Variants in BLK observed in about 807,000 individuals in gnomAD.
The protein encoded by BLK is BLK proto-oncogene, Src family tyrosine kinase, also known as tyrosine-protein kinase Blk.
In BLK, 64 loss-of-function variants were observed where a neutral mutation model predicts 61.8. That is an observed-to-expected ratio of 1.03 (90% CI 0.85 to 1.27). BLK has a LOEUF of 1.27. BLK is among the 50% of genes most tolerant of loss of function. BLK has a pLI of 0.00. For missense variants in BLK, 853 were observed against 660.5 expected, an observed-to-expected ratio of 1.29 and a Z score of -3.19; for synonymous variants, 351 against 272.0, an observed-to-expected ratio of 1.29 and a Z score of -2.86.
At chr8:11,553,842 C>T (rs2255108) in intron 6 of BLK, among the ~76,000 whole-genome samples, 60,903 of 151,964 alleles carry the variant, frequency 0.4, 12,874 homozygotes, top group Non-Finnish European at 0.45. Flanking sequence ...GGCAGGGGAA[C>T]TGACAGGAGA....
chr8:11,540,782 T>C lies in BLK; in HGVS notation c.-1-2442T>C, dbSNP rs117469019. On this transcript the variant is annotated intron_variant, in intron 1 of 12. Transcript: ENST00000259089. ...TATTTGAAAGGGCCCCAGACACAGA[T>C]GGCTTCACAACTGAGTTCTATTTAG... 4.1e-3 allele frequency among the ~76,000 whole-genome samples: 624 copies of C among 151,430 alleles called. 3 individuals carry two copies. The highest frequency in any genetic ancestry group is 0.014 in the Middle Eastern group (4 of 290).
At chr8:11,536,404 T>C (rs938729343) in intron 1 of BLK, among the ~76,000 whole-genome samples, 1 of 152,194 alleles carries the variant, frequency 6.6e-6, no homozygotes, top group Non-Finnish European at 1.5e-5. Context: ...ATTTTATTTA[T>C]TTTTTTGAGA....
At chr8:11,507,563 C>T (rs1321735777) in intron 1 of BLK, among the ~76,000 whole-genome samples, 2 of 152,140 alleles carry the variant, frequency 1.3e-5, no homozygotes, top group East Asian at 1.9e-4. Context: ...CTTAGTGGAC[C>T]CAGTGGAGAT....
At chr8:11,544,572 T>A (rs1408294766) in intron 2 of BLK, among the ~76,000 whole-genome samples, 1 of 152,206 alleles carries the variant, frequency 6.6e-6, no homozygotes, top group Admixed American at 6.5e-5. Context: ...TTAGACTGAT[T>A]GAGTAATTTC....
intron 1 of BLK, among the ~76,000 whole-genome samples, chr8:11,502,722 T>C (rs1268076279): frequency 6.6e-6 from 1 of 152,030 alleles, no homozygotes; most frequent in Admixed American, 6.6e-5. Context: ...GGAGGCCGAG[T>C]GTCTTGAGGC....
At chr8:11,555,943 C>A in intron 8 of BLK, 1 of 290,664 alleles carries the variant, frequency 3.4e-6, no homozygotes, top group Non-Finnish European at 6.5e-6. Context: ...ATTTCCATCG[C>A]TGCTGACACC....
At chr8:11,547,836 G>C (rs1800714054) in intron 3 of BLK, among the ~76,000 whole-genome samples, 196 bp from the exon 4 acceptor site, 1 of 152,150 alleles carries the variant, frequency 6.6e-6, no homozygotes, top group African/African-American at 2.4e-5. Context: ...CCACAACGGA[G>C]GACAGGATGG....
At chr8:11,522,271 G>A (rs1054498228) in intron 1 of BLK, among the ~76,000 whole-genome samples, 2 of 152,126 alleles carry the variant, frequency 1.3e-5, no homozygotes, top group Non-Finnish European at 2.9e-5. Context: ...TAACCCATGA[G>A]CATCTCAAAT....
intron 9 of BLK, among the ~76,000 whole-genome samples, chr8:11,557,167 G>A (rs1240296196): frequency 1.3e-5 from 2 of 152,188 alleles, no homozygotes; most frequent in African/African-American, 4.8e-5. Context: ...ACCAGGCCAG[G>A]CATGCAGGGA....
intron 1 of BLK, among the ~76,000 whole-genome samples, chr8:11,527,523 C>T (rs1250948015): frequency 6.6e-6 from 1 of 151,400 alleles, no homozygotes; most frequent in Non-Finnish European, 1.5e-5. Flanking sequence ...AAGCCTAGCC[C>T]ACACAGGAGA....
intron 1 of BLK, among the ~76,000 whole-genome samples, chr8:11,520,189 C>T (rs1303634367): frequency 2.6e-5 from 4 of 152,034 alleles, no homozygotes; most frequent in African/African-American, 7.2e-5. Flanking sequence ...GCATTAAGAA[C>T]CACATAGCCA....
intron 1 of BLK, among the ~76,000 whole-genome samples, chr8:11,518,612 C>T (rs1382963620): frequency 6.6e-6 from 1 of 152,118 alleles, no homozygotes; most frequent in African/African-American, 2.4e-5. Flanking sequence ...GGTGGCCTCC[C>T]ATCTAGTGTC....
rs145329466 is a variant in BLK, at chr8:11,515,715, G to A, written c.-2+21124G>A. Among the ~76,000 whole-genome samples the A allele has an allele frequency of 8.8e-4, 134 of 152,098 alleles. No individual in the cohort carries two copies. The South Asian group carries it at 1.0e-2, about 11-fold the overall frequency. On this transcript the variant is annotated intron_variant, in intron 1 of 12. Coordinates refer to ENST00000259089, the MANE Select transcript of BLK (RefSeq NM_001715.3). ...CAGTGCTTAAAATGCAATTTTCCCC[G>A]CCACTGTAGTGCCTCATGTCATATG...
intron 10 of BLK, 33 bp from the exon 11 acceptor site, chr8:11,561,269 A>C (rs776671995): frequency 9.2e-5 from 148 of 1,605,656 alleles, no homozygotes; most frequent in Non-Finnish European, 1.2e-4. Flanking sequence ...GGAGGCCCCC[A>C]GGCTGTCCTT....
In BLK at chr8:11,550,141, G is replaced by A; in HGVS notation, c.369-18G>A. On this transcript the variant is annotated intron_variant, in intron 5 of 12. Coordinates refer to ENST00000259089, the MANE Select transcript of BLK (RefSeq NM_001715.3). The stretch of plus-strand genomic sequence containing the variant: ...AGCAGGGTCGCTCTGAGTTTCACCT[G>A]TTCCTGCCGTTTTCCAGGTGGTTCT... 2.5e-6 allele frequency: 4 copies of A among 1,612,438 alleles called. No homozygotes were observed. Among genetic ancestry groups the A allele is most frequent in the Non-Finnish European group, 3.4e-6 (4 of 1,178,618 alleles).
Position 11,545,826 on chromosome 8 carries a change from C to A in BLK, c.124-226C>A, listed in dbSNP as rs1374674370. 8.8e-5 allele frequency: 52 copies of A among 590,568 alleles called. No individual in the cohort carries two copies. In the East Asian group the frequency reaches 1.5e-3, roughly 17 times the overall value. The allele number at this position is 590,568 out of a possible 1,614,324, so 36.6% of individuals were successfully genotyped here. A position where few individuals can be genotyped will look rare whatever the true frequency, so the allele number is the denominator to read the frequency against. ...CTGTCTCATATCCACATTGGGGCAT[C>A]CCCCAGCGCGGTCAGGGCAAAGGCA... On this transcript the variant is annotated intron_variant, in intron 2 of 12. Transcript: ENST00000259089.
chr8:11,541,901 C>T (rs545007040), intron 1 of BLK, among the ~76,000 whole-genome samples: 1 of 152,196 alleles, frequency 6.6e-6, no homozygotes, highest in Admixed American at 6.5e-5. Flanking sequence ...TAAAGCTGAT[C>T]TGAGCTCACA....
chr8:11,511,668 A>G (rs2618457), intron 1 of BLK, among the ~76,000 whole-genome samples: 128,318 of 152,148 alleles, frequency 0.84, 54,346 homozygotes, highest in African/African-American at 0.89. Flanking sequence ...GTTGAAAACT[A>G]GCAGTCTTTA....
chr8:11,555,207 G>A, intron 7 of BLK, 125 bp from the exon 8 acceptor site: 1 of 1,284,062 alleles, frequency 7.8e-7, no homozygotes, highest in Non-Finnish European at 1.1e-6. Context: ...GCAGGCGTGT[G>A]CACACACCCA....
Sources: gnomAD v4.1 joint callset for allele counts (sites outside exome capture counted in the v4.1 genomes callset) on GRCh38, gnomAD v4.1.1 for gene constraint, MANE v1.5 for transcripts, NCBI Gene and HGNC (gene_info 2026-07-23, HGNC 2026-07-21) for gene names.